The following CTNNA3 variants were observed in gnomAD, a reference collection of about 807,000 sequenced individuals.
CTNNA3 encodes the protein catenin alpha 3.
A neutral mutation model predicts 95.7 loss-of-function variants in CTNNA3; 76 were observed. That is an observed-to-expected ratio of 0.79 (90% confidence interval 0.66 to 0.96). CTNNA3 has a LOEUF of 0.96. Among genes scored for constraint, CTNNA3 ranks in the 40% least tolerant of loss-of-function variants. CTNNA3 has a pLI of 0.00. For synonymous variants in CTNNA3, 431 were observed against 374.4 expected, an observed-to-expected ratio of 1.15 and a Z score of -1.74; for missense variants, 1,191 against 1,089.8, an observed-to-expected ratio of 1.09 and a Z score of -1.31.
At position 67,574,834 on chromosome 10, in the gene CTNNA3, G is replaced by A. The variant is rs189248476; in HGVS notation, c.292+32023C>T. Among the ~76,000 whole-genome samples, 1,120 of 152,164 alleles carry A rather than the reference G, an allele frequency of 7.4e-3. 15 individuals carry two copies. The highest frequency in any genetic ancestry group is 0.026 in the African/African-American group (1,069 of 41,540). On this transcript the variant is annotated intron_variant, in intron 3 of 17. Transcript: ENST00000433211. ...GACCTCAGGTGATCCACCTGCCTCGGCCTCCCAAAGTGTTGGGATTACAGG... is the reference window on the plus strand; with the variant it reads ...GACCTCAGGTGATCCACCTGCCTCGACCTCCCAAAGTGTTGGGATTACAGG...
intron 10 of CTNNA3, among the ~76,000 whole-genome samples, chr10:66,531,705 T>C (rs1191879310): frequency 6.6e-6 from 1 of 151,428 alleles, no homozygotes; most frequent in Non-Finnish European, 1.5e-5. Context: ...TAAATAAATA[T>C]AAATAAGAAA....
intron 7 of CTNNA3, among the ~76,000 whole-genome samples, chr10:66,986,694 C>T (rs16913238): frequency 0.048 from 7,289 of 152,172 alleles, 460 homozygotes; most frequent in East Asian, 0.29. Flanking sequence ...ACTTTTACAA[C>T]TCCATGGCTA....
At chr10:65,930,239 T>C (rs1395926456) in intron 17 of CTNNA3, among the ~76,000 whole-genome samples, 2 of 144,426 alleles carry the variant, frequency 1.4e-5, no homozygotes, top group East Asian at 4.0e-4. Flanking sequence ...GAAACTACTG[T>C]AGGTGCTTCA....
intron 7 of CTNNA3, among the ~76,000 whole-genome samples, chr10:66,890,375 C>CA (rs760880098): frequency 0.038 from 4,534 of 119,298 alleles, 82 homozygotes; most frequent in Non-Finnish European, 0.043. Flanking sequence ...ATTTCAGAAT[C>CA]AAAAAAAAAA....
At chr10:67,338,249 G>A (rs1842062428) in intron 5 of CTNNA3, among the ~76,000 whole-genome samples, 1 of 152,146 alleles carries the variant, frequency 6.6e-6, no homozygotes, top group East Asian at 1.9e-4. Flanking sequence ...CATGGCAGAA[G>A]GAAAGGGAAG....
chr10:66,334,361 G>A (rs1465231922), intron 12 of CTNNA3, among the ~76,000 whole-genome samples: 1 of 151,894 alleles, frequency 6.6e-6, no homozygotes, highest in East Asian at 1.9e-4. Context: ...TGCAGTGGCT[G>A]GTACCGGTTG....
At chr10:66,522,707 T>C (rs1396090006) in intron 10 of CTNNA3, among the ~76,000 whole-genome samples, 1 of 151,756 alleles carries the variant, frequency 6.6e-6, no homozygotes, top group Admixed American at 6.6e-5. Flanking sequence ...AACAGACTAA[T>C]ATAGGGCTCT....
chr10:66,423,203 G>T (rs759364926), intron 11 of CTNNA3, among the ~76,000 whole-genome samples: 2 of 152,046 alleles, frequency 1.3e-5, no homozygotes, highest in Non-Finnish European at 2.9e-5. Flanking sequence ...TGTCAGATAA[G>T]ATTTGCTTTG....
chr10:67,585,801 A>AT (rs1032583528), intron 3 of CTNNA3, among the ~76,000 whole-genome samples: 5 of 150,736 alleles, frequency 3.3e-5, no homozygotes, highest in African/African-American at 7.3e-5. Flanking sequence ...GATCTTTTGT[A>AT]TTTTTTTTAG....
At chr10:66,176,115 C>G (rs1388535968) in intron 13 of CTNNA3, among the ~76,000 whole-genome samples, 3 of 152,098 alleles carry the variant, frequency 2.0e-5, no homozygotes, top group African/African-American at 7.2e-5. Flanking sequence ...TCATTGTGGC[C>G]ATAGCACCGG....
chr10:67,290,478 T>TA (rs1839791794), intron 5 of CTNNA3, among the ~76,000 whole-genome samples: 1 of 152,160 alleles, frequency 6.6e-6, no homozygotes, highest in South Asian at 2.1e-4. Flanking sequence ...TGCAAAACCA[T>TA]AAAAATCATG....
chr10:66,749,590 G>A (rs899220085), intron 9 of CTNNA3, among the ~76,000 whole-genome samples: 1 of 151,954 alleles, frequency 6.6e-6, no homozygotes, highest in South Asian at 2.1e-4. Context: ...GATATACCCC[G>A]GTTTATTTAT....
intron 7 of CTNNA3, among the ~76,000 whole-genome samples, chr10:67,091,126 CAA>C (rs1857604920): frequency 1.3e-5 from 2 of 151,854 alleles, no homozygotes; most frequent in Non-Finnish European, 2.9e-5. Flanking sequence ...CTTCATAGGA[CAA>C]AATAAACGTT....
chr10:66,053,836 T>C (rs775860776), intron 15 of CTNNA3, among the ~76,000 whole-genome samples: 1 of 152,164 alleles, frequency 6.6e-6, no homozygotes, highest in South Asian at 2.1e-4. Flanking sequence ...GTTTCCCTAT[T>C]GTGCTACCAA....
At chr10:67,252,809 T>C (rs1161253590) in intron 5 of CTNNA3, among the ~76,000 whole-genome samples, 1 of 152,340 alleles carries the variant, frequency 6.6e-6, no homozygotes, top group Non-Finnish European at 1.5e-5. Context: ...TGCAACATGC[T>C]GTCAATCAGA....
intron 9 of CTNNA3, among the ~76,000 whole-genome samples, chr10:66,622,585 G>A (rs1844787424): frequency 3.9e-5 from 6 of 152,070 alleles, no homozygotes; most frequent in Admixed American, 3.9e-4. Context: ...ACACAGTAAG[G>A]CTTATGGACA....
chr10:67,550,620 C>A (rs1049678569), intron 3 of CTNNA3, among the ~76,000 whole-genome samples: 1 of 148,352 alleles, frequency 6.7e-6, no homozygotes, highest in African/African-American at 2.6e-5. Context: ...ATTAAGAATT[C>A]TTTATTTAAA....
At chr10:67,369,439 T>A (rs548279679) in intron 5 of CTNNA3, among the ~76,000 whole-genome samples, 1 of 152,264 alleles carries the variant, frequency 6.6e-6, no homozygotes, top group South Asian at 2.1e-4. Context: ...TGATAATTCC[T>A]TTTCAACCTT....
At chr10:67,005,036 A>G (rs1851890790) in intron 7 of CTNNA3, among the ~76,000 whole-genome samples, 1 of 152,208 alleles carries the variant, frequency 6.6e-6, no homozygotes, top group South Asian at 2.1e-4. Context: ...AATCACAAAA[A>G]CAGGAAATAG....
Sources: allele counts gnomAD v4.1 joint callset (sites outside exome capture counted in the v4.1 genomes callset), GRCh38; gene constraint gnomAD v4.1.1; transcripts MANE v1.5; gene names NCBI Gene and HGNC (gene_info 2026-07-23, HGNC 2026-07-21).